PCDHGB1: variants seen among roughly 807,000 people sequenced by gnomAD.
PCDHGB1 encodes the protein protocadherin gamma-B1.
PCDHGB1 carries 34 observed loss-of-function variants against 56.6 expected under a neutral mutation model. That is an observed-to-expected ratio of 0.60 (90% CI 0.46 to 0.80). The LOEUF is 0.80. PCDHGB1 is among the 30% of genes least tolerant of loss of function. PCDHGB1 has a pLI of 0.00. For missense variants in PCDHGB1, 1,278 were observed against 1,204.6 expected (o/e 1.06, Z -0.90); for synonymous variants, 561 against 505.9 (o/e 1.11, Z -1.46).
chr5:141,437,782 A>C (rs1410096491), intron 1 of PCDHGB1, among the ~76,000 whole-genome samples: 1 of 151,512 alleles, frequency 6.6e-6, no homozygotes, highest in African/African-American at 2.4e-5. Context: ...TCTGTCGCCA[A>C]GCTGGAGTGC....
chr5:141,484,024 A>G (rs769415978), intron 1 of PCDHGB1, among the ~76,000 whole-genome samples: 14 of 150,914 alleles, frequency 9.3e-5, no homozygotes, highest in Non-Finnish European at 1.6e-4. Flanking sequence ...GTGGGGTGAG[A>G]TCAAGTCTCC....
At chr5:141,364,094 A>G (rs4151697) in intron 1 of PCDHGB1, 43,426 of 397,716 alleles carry the variant, frequency 0.11, 3,266 homozygotes, top group African/African-American at 0.28. Context: ...ATGGAATTTG[A>G]TGCAGTCACT....
chr5:141,421,861 C>T, intron 1 of PCDHGB1: 2 of 1,613,738 alleles, frequency 1.2e-6, no homozygotes, highest in South Asian at 2.2e-5. Flanking sequence ...TCACCTGCTC[C>T]TCCTCACAGC....
chr5:141,409,942 C>G, intron 1 of PCDHGB1: 2 of 1,613,284 alleles, frequency 1.2e-6, no homozygotes, highest in Non-Finnish European at 1.7e-6. Context: ...TGGTACCTCG[C>G]TCTGCAGAGC....
chr5:141,392,713 G>A, intron 1 of PCDHGB1: 3 of 1,363,444 alleles, frequency 2.2e-6, no homozygotes, highest in Non-Finnish European at 2.9e-6. Context: ...AGGCACTCCA[G>A]GTTTCCGGAG....
At chr5:141,502,925 C>T (rs962871271) in intron 2 of PCDHGB1, among the ~76,000 whole-genome samples, 5 of 145,518 alleles carry the variant, frequency 3.4e-5, no homozygotes, top group Non-Finnish European at 5.9e-5. Flanking sequence ...GCAGTGGCAA[C>T]CTTCACCTCC....
intron 1 of PCDHGB1, chr5:141,420,156 AT>A (rs755916873): frequency 6.2e-7 from 1 of 1,613,990 alleles, no homozygotes; most frequent in African/African-American, 1.3e-5. Flanking sequence ...CCAGAATTTA[AT>A]TTTTTCACAT....
In PCDHGB1 at chr5:141,352,026, C is replaced by T. The variant is rs1186654120; in HGVS notation, c.1766C>T (p.Ala589Val). 16 of 1,609,158 alleles carry T rather than the reference C, an allele frequency of 9.9e-6. No homozygotes were observed. Among genetic ancestry groups the T allele is most frequent in the Non-Finnish European group, 1.4e-5 (16 of 1,179,012 alleles). ...GGCTACCTGGTGACCAAGGTGGTGGCGGTGGACGCAGACTCAGGACACAAC... is the reference window on the plus strand; with the variant it reads ...GGCTACCTGGTGACCAAGGTGGTGGTGGTGGACGCAGACTCAGGACACAAC... ...EPGYLVTKVV[A>V]VDADSGHNAW... Residue 589 changes from alanine to valine, a missense_variant, in exon 1 of 4, where the codon GCG becomes GTG. Physicochemically the swap from Ala to Val is moderately conservative, Grantham distance 64. Transcript: ENST00000523390.
intron 1 of PCDHGB1, chr5:141,404,291 G>A (rs755978034): frequency 6.2e-7 from 1 of 1,613,956 alleles, no homozygotes; most frequent in Non-Finnish European, 8.5e-7. Context: ...TGACATCAAT[G>A]ATAATCCACC....
chr5:141,440,535 G>C (rs1305958587), intron 1 of PCDHGB1: 1 of 152,154 alleles, frequency 6.6e-6, no homozygotes, highest in African/African-American at 2.4e-5. Flanking sequence ...CATGCACCAC[G>C]GTTCAGCAGG....
At chr5:141,383,570 G>T in intron 1 of PCDHGB1, 2 of 1,613,234 alleles carry the variant, frequency 1.2e-6, no homozygotes, top group Non-Finnish European at 1.7e-6. Context: ...CCCCGATCCA[G>T]CACCGCCCAC....
intron 1 of PCDHGB1, chr5:141,410,320 C>G (rs752279818): frequency 8.1e-6 from 13 of 1,613,880 alleles, no homozygotes; most frequent in African/African-American, 2.7e-5. Context: ...TCCTCCTCGC[C>G]GTGATTCTGG....
At chr5:141,433,607 G>A (rs1209706866) in intron 1 of PCDHGB1, among the ~76,000 whole-genome samples, 2 of 152,078 alleles carry the variant, frequency 1.3e-5, no homozygotes, top group East Asian at 1.9e-4. Context: ...AGGCCGAGGC[G>A]GGTGGATCAC....
intron 1 of PCDHGB1, chr5:141,416,286 T>C (rs1415036175): frequency 2.0e-5 from 3 of 152,304 alleles, no homozygotes; most frequent in Non-Finnish European, 4.4e-5. Context: ...AATTCTCTAA[T>C]TTCACACTGC....
intron 1 of PCDHGB1, chr5:141,378,193 TA>T (rs376966694): frequency 7.2e-5 from 11 of 152,366 alleles, no homozygotes; most frequent in Middle Eastern, 3.4e-3. Context: ...GTGTGCCTAC[TA>T]CAGTGTCTTT....
intron 1 of PCDHGB1, among the ~76,000 whole-genome samples, chr5:141,466,080 C>A (rs1186062704): frequency 6.6e-6 from 1 of 152,108 alleles, no homozygotes; most frequent in East Asian, 1.9e-4. Flanking sequence ...TGATATCATG[C>A]CACTGCACTC....
intron 1 of PCDHGB1, chr5:141,399,217 TTGATCAAAATACA>T (rs2093771382): frequency 6.2e-7 from 1 of 1,613,854 alleles, no homozygotes; most frequent in African/African-American, 1.3e-5. Context: ...ACTAATTGCT[TTGATCAAAATACA>T]TGACCAAGAT....
At chr5:141,409,324 G>C (rs759596277) in intron 1 of PCDHGB1, 1 of 1,614,000 alleles carries the variant, frequency 6.2e-7, no homozygotes, top group East Asian at 2.2e-5. Context: ...CACGGGATCT[G>C]GATTTCGGAG....
At position 141,350,165 on chromosome 5, in the gene PCDHGB1, A is replaced by G. The variant is rs759865508; in HGVS notation, c.-96A>G. On this transcript the variant is annotated 5_prime_UTR_variant, in exon 1 of 4. Transcript: ENST00000523390. ...CCTGTTCACCCTCGAGCGCCTAACT[A>G]ATAAGTCCTAAGCTCAAATCACAGA... The G allele has an allele frequency of 6.9e-6, 8 of 1,157,934 alleles. No individual in the cohort carries two copies. Among genetic ancestry groups the G allele is most frequent in the Non-Finnish European group, 9.2e-6 (8 of 865,968 alleles). 71.7% of individuals were successfully genotyped at this position (1,157,934 alleles called of 1,614,324 possible).
Sources: gnomAD v4.1 joint callset for allele counts (sites outside exome capture counted in the v4.1 genomes callset) on GRCh38, gnomAD v4.1.1 for gene constraint, MANE v1.5 for transcripts, NCBI Gene and HGNC (gene_info 2026-07-23, HGNC 2026-07-21) for gene names.